The following HLA-B variants were observed in gnomAD, a reference collection of about 807,000 sequenced individuals.
HLA-B encodes the protein HLA class I antigen HLA-B.
A neutral mutation model predicts 41.5 loss-of-function variants in HLA-B; 31 were observed. That is an observed-to-expected ratio of 0.75 (90% CI 0.56 to 1.01). The LOEUF (loss-of-function observed/expected upper bound fraction) is 1.01. Ranked by LOEUF, HLA-B falls within the 50% of genes least tolerant of loss-of-function variation. HLA-B has a pLI of 0.00. For missense variants in HLA-B, 369 were observed against 457.2 expected (o/e 0.81, Z 1.76); for synonymous variants, 138 against 189.0 (o/e 0.73, Z 2.21).
intron 3 of HLA-B, chr6:31,355,861 G>A: frequency 1.6e-6 from 1 of 638,540 alleles, no homozygotes; most frequent in Non-Finnish European, 2.8e-6. Context: ...CAAACACACT[G>A]AGTGTGAGGC....
Position 31,356,730 on chromosome 6 carries a change from T to C in HLA-B, c.301A>G (p.Ser101Gly), listed in dbSNP as rs1131217. The C allele has an allele frequency of 0.014, 15,687 of 1,128,850 alleles. 650 individuals carry two copies. The highest frequency in any genetic ancestry group is 0.022 in the South Asian group (1,288 of 59,568). The allele number at this position is 1,128,850 out of a possible 1,614,324, so 69.9% of individuals were successfully genotyped here. The change falls in exon 2 of 8, where the codon AGC becomes GGC. Residue 101 changes from serine (S) to glycine (G), a missense_variant. By Grantham distance (56) the Ser-to-Gly change is moderately conservative. This residue lies in a region of HLA-B where 113 missense variants were observed against 173.2 expected (regional missense o/e 0.65). Coordinates refer to ENST00000412585, the MANE Select transcript of HLA-B (RefSeq NM_005514.8). ...YKAQAQTDRE[S>G]LRNLRGYYNQ... Reference sequence around the variant, plus strand: ...TAGTAGCCGCGCAGGTTCCGCAGGCTCTCTCGGTCAGTCTGTGCCTGGGCC... The same window carrying C: ...TAGTAGCCGCGCAGGTTCCGCAGGCCCTCTCGGTCAGTCTGTGCCTGGGCC...
At position 31,354,211 on chromosome 6, in the gene HLA-B, A is replaced by G; in HGVS notation, c.*90T>C. On this transcript the variant is annotated 3_prime_UTR_variant, in exon 8 of 8. Transcript: ENST00000412585. ...AGACACATTCAGGTGCCTTTGCAGA[A>G]AGAGATGCCAGAGGCTCTTGAAGTC... 1.6e-6 allele frequency: 1 copy of G among 622,680 alleles called. No individual in the cohort carries two copies. Among genetic ancestry groups the G allele is most frequent in the Middle Eastern group, 2.7e-4 (1 of 3,742 alleles). The allele number at this position is 622,680 out of a possible 1,614,324, so 38.6% of individuals were successfully genotyped here. A position where few individuals can be genotyped will look rare whatever the true frequency, so the allele number is the denominator to read the frequency against.
intron 2 of HLA-B, 21 bp downstream of exon 2, chr6:31,356,666 GC>G: frequency 6.8e-7 from 1 of 1,476,280 alleles, no homozygotes. Context: ...CGTGACCTGC[GC>G]CCCGGGCCGG....
At chr6:31,354,422 T>TCC in intron 7 of HLA-B, 57 bp downstream of exon 7, 1 of 326,722 alleles carries the variant, frequency 3.1e-6, no homozygotes, top group African/African-American at 4.0e-5. Context: ...CTTTCCCCTC[T>TCC]GCCCCACCCA....
Position 31,354,801 on chromosome 6 carries a change from G to A in HLA-B, c.1013-136C>T, listed in dbSNP as rs41551316. On this transcript the variant is annotated intron_variant, in intron 5 of 7. Transcript: ENST00000412585. ...GACCCAGGGCAGGATCAGGAAACACGAGGAAAGCAAGTGTGGGTCCTGGAC... is the reference window on the plus strand; with the variant it reads ...GACCCAGGGCAGGATCAGGAAACACAAGGAAAGCAAGTGTGGGTCCTGGAC... 197 of 463,132 alleles carry A rather than the reference G, an allele frequency of 4.3e-4. 1 individual carries two copies. The Middle Eastern group carries it at 5.7e-3, about 14-fold the overall frequency. The allele number at this position is 463,132 out of a possible 1,614,324, so 28.7% of individuals were successfully genotyped here.
rs778242050 is a variant in HLA-B at position 31,354,441 on chromosome 6, C to T, written c.*4+38G>A. Reference sequence around the variant, plus strand: ...CCCCTCTGCCCCACCCACCCCCAGACCCGCCACCCCACCCACTCTAGACCC... The same window carrying T: ...CCCCTCTGCCCCACCCACCCCCAGATCCGCCACCCCACCCACTCTAGACCC... On this transcript the variant is annotated intron_variant, in intron 7 of 7. Transcript: ENST00000412585. 5.4e-6 allele frequency: 2 copies of T among 368,810 alleles called. 1 individual carries two copies. The highest frequency in any genetic ancestry group is 9.1e-6 in the Non-Finnish European group (2 of 220,642). 22.8% of individuals were successfully genotyped at this position (368,810 alleles called of 1,614,324 possible).
intron 3 of HLA-B, 88 bp from the exon 4 acceptor site, chr6:31,355,680 A>T: frequency 9.4e-7 from 1 of 1,065,992 alleles, no homozygotes; most frequent in Non-Finnish European, 1.3e-6. Flanking sequence ...GAGAATGGAC[A>T]GGACACCTGG....
rs709053 is a variant in HLA-B at position 31,356,300 on chromosome 6, C to G, written c.486G>C (p.Thr162=). The G allele has an allele frequency of 0.18, 194,326 of 1,050,874 alleles. 34,642 individuals are homozygous for G. Among genetic ancestry groups the G allele is most frequent in the East Asian group, 0.33 (9,009 of 27,292 alleles). The allele number at this position is 1,050,874 out of a possible 1,614,324, so 65.1% of individuals were successfully genotyped here. A position where few individuals can be genotyped will look rare whatever the true frequency, so the allele number is the denominator to read the frequency against. ...ACTTGCGCTGGGTGATCTGAGCCGC[C>G]GTGTCCGCGGCGGTCCAGGAGCGCA... The part of the protein sequence containing the change: ...EDLRSWTAAD[T]AAQITQRKWE... Residue 162 remains threonine, a synonymous_variant, in exon 3 of 8, where the codon ACG becomes ACC. Coordinates refer to ENST00000412585, the MANE Select transcript of HLA-B (RefSeq NM_005514.8).
In HLA-B at chr6:31,355,649, G is replaced by C. The variant is rs955820003; in HGVS notation, c.620-57C>G. 11 of 1,176,882 alleles carry C rather than the reference G, an allele frequency of 9.3e-6. 1 individual carries two copies. The African/African-American group carries it at 2.6e-4, about 28-fold the overall frequency. The allele number at this position is 1,176,882 out of a possible 1,614,324, so 72.9% of individuals were successfully genotyped here. ...TTGCATCTTTCATGGGACACCCTAGGACCACCCATGTGACCAGCCTGAGAA... is the reference window on the plus strand; with the variant it reads ...TTGCATCTTTCATGGGACACCCTAGCACCACCCATGTGACCAGCCTGAGAA... On this transcript the variant is annotated intron_variant, in intron 3 of 7. Transcript: ENST00000412585.
Position 31,353,898 on chromosome 6 carries a change from T to C in HLA-B, c.*403A>G, listed in dbSNP as rs1345832296. ...TCTGGAAGGTTCTCAGGTCTTTATT[T>C]GCTCTCTCAAATTCCAGGAATTGAC... On this transcript the variant is annotated 3_prime_UTR_variant, in exon 8 of 8. Transcript: ENST00000412585. The C allele has an allele frequency of 3.3e-6, 1 of 307,482 alleles. No individual in the cohort carries two copies. Among genetic ancestry groups the C allele is most frequent in the Non-Finnish European group, 6.2e-6 (1 of 160,570 alleles). 19.0% of individuals were successfully genotyped at this position (307,482 alleles called of 1,614,324 possible). A position where few individuals can be genotyped will look rare whatever the true frequency, so the allele number is the denominator to read the frequency against.
chr6:31,355,760 G>GGAAA (rs1766896378), intron 3 of HLA-B, 168 bp from the exon 4 acceptor site: 2 of 720,160 alleles, frequency 2.8e-6, no homozygotes, highest in Admixed American at 2.3e-5. Flanking sequence ...CCTATTCATT[G>GGAAA]GAAAGTTCGA....
In HLA-B at chr6:31,354,184, G is replaced by A. The variant is rs71563314; in HGVS notation, c.*117C>T. On this transcript the variant is annotated 3_prime_UTR_variant, in exon 8 of 8. Transcript: ENST00000412585. ...CTCCTCACATTATGCTAACAGGGAC[G>A]CAGACACATTCAGGTGCCTTTGCAG... 0.023 allele frequency: 13,523 copies of A among 576,776 alleles called. 227 individuals carry two copies. Among genetic ancestry groups the A allele is most frequent in the East Asian group, 0.058 (1,668 of 28,532 alleles). 35.7% of individuals were successfully genotyped at this position (576,776 alleles called of 1,614,324 possible). A position where few individuals can be genotyped will look rare whatever the true frequency, so the allele number is the denominator to read the frequency against.
Position 31,353,950 on chromosome 6 carries a change from A to G in HLA-B, c.*351T>C, listed in dbSNP as rs1055214796. The G allele has an allele frequency of 8.5e-6, 3 of 351,122 alleles. No homozygotes were observed. The highest frequency in any genetic ancestry group is 1.6e-5 in the Non-Finnish European group (3 of 186,856). 21.8% of individuals were successfully genotyped at this position (351,122 alleles called of 1,614,324 possible). A position where few individuals can be genotyped will look rare whatever the true frequency, so the allele number is the denominator to read the frequency against. On this transcript the variant is annotated 3_prime_UTR_variant, in exon 8 of 8. Coordinates refer to ENST00000412585, the MANE Select transcript of HLA-B (RefSeq NM_005514.8). ...TATTTAATTAATCCATCAACCTCTC[A>G]TAGCAAATATTTGAGAAAACAAATT...
chr6:31,356,823 CCTCT>C lies in HLA-B; in HGVS notation c.204_207del (p.Glu69SerfsTer7), dbSNP rs766427608. On this transcript the variant is annotated frameshift_variant, in exon 2 of 8. Transcript: ENST00000412585. LOFTEE classifies it high-confidence loss of function. ...TGCTCTATCCACGGCGCCCGCGGCT[CCTCT>C]CTCGGACTCGCGGCGTCGCTGTCGA... 8.5e-7 allele frequency: 1 copy of C among 1,171,184 alleles called. No individual in the cohort carries two copies. The highest frequency in any genetic ancestry group is 1.1e-6 in the Non-Finnish European group (1 of 881,450). The allele number at this position is 1,171,184 out of a possible 1,614,324, so 72.5% of individuals were successfully genotyped here. A position where few individuals can be genotyped will look rare whatever the true frequency, so the allele number is the denominator to read the frequency against.
rs1562163978 is a variant in HLA-B at position 31,355,348 on chromosome 6, CT to C, written c.863del (p.Glu288GlyfsTer9). ...EQRYTCHVQH[E>X]GLPKPLTLRW... ...TCAGGGTGAGGGGCTTCGGCAGCCC[CT>C]CATGCTGTACATGGCATGTGTATCT... On this transcript the variant is annotated frameshift_variant, in exon 4 of 8. Coordinates refer to ENST00000412585, the MANE Select transcript of HLA-B (RefSeq NM_005514.8). LOFTEE classifies it high-confidence loss of function. 1.3e-6 allele frequency: 2 copies of C among 1,585,172 alleles called. No homozygotes were observed. The highest frequency in any genetic ancestry group is 1.7e-6 in the Non-Finnish European group (2 of 1,172,354).
Position 31,356,914 on chromosome 6 carries a change from G to C in HLA-B, c.117C>G (p.Pro39=), listed in dbSNP as rs3177891. 1 of 1,093,322 alleles carries C rather than the reference G, an allele frequency of 9.1e-7. No homozygotes were observed. The highest frequency in any genetic ancestry group is 1.2e-6 in the Non-Finnish European group (1 of 817,548). 67.7% of individuals were successfully genotyped at this position (1,093,322 alleles called of 1,614,324 possible). ...MRYFYTSVSR[P]GRGEPRFISV... ...AGATGAAGCGGGGCTCCCCGCGGCCGGGCCGGGACACGGAGGTGTAGAAAT... is the reference window on the plus strand; with the variant it reads ...AGATGAAGCGGGGCTCCCCGCGGCCCGGCCGGGACACGGAGGTGTAGAAAT... Residue 39 remains proline, a synonymous_variant, in exon 2 of 8, where the codon CCC becomes CCG. Coordinates refer to ENST00000412585, the MANE Select transcript of HLA-B (RefSeq NM_005514.8).
chr6:31,354,433 C>CG (rs776922644), intron 7 of HLA-B, 46 bp downstream of exon 7: 1 of 334,348 alleles, frequency 3.0e-6, no homozygotes, highest in Non-Finnish European at 5.1e-6. Flanking sequence ...GCCCCACCCA[C>CG]CCCCAGACCC....
chr6:31,354,138 AAGGGTGGGC>A lies in HLA-B; in HGVS notation c.*154_*162del. The A allele has an allele frequency of 2.1e-6, 1 of 483,592 alleles. No individual in the cohort carries two copies. Among genetic ancestry groups the A allele is most frequent in the East Asian group, 3.9e-5 (1 of 25,638 alleles). The allele number at this position is 483,592 out of a possible 1,614,324, so 30.0% of individuals were successfully genotyped here. On this transcript the variant is annotated 3_prime_UTR_variant, in exon 8 of 8. Transcript: ENST00000412585. ...TGGGAACAGGGGTCACAGTGGACAC[AAGGGTGGGC>A]TGTCTCTCCACCTCCTCACATTATG...
chr6:31,356,124 C>T (rs112210252), intron 3 of HLA-B, 43 bp downstream of exon 3: 2 of 999,930 alleles, frequency 2.0e-6, no homozygotes, highest in Non-Finnish European at 2.6e-6. Flanking sequence ...CCATCCCCGG[C>T]GACCTATAGG....
Sources: allele counts gnomAD v4.1 joint callset, GRCh38; gene constraint gnomAD v4.1.1; regional missense constraint gnomAD v4.1.1; transcripts MANE v1.5; gene names NCBI Gene and HGNC (gene_info 2026-07-23, HGNC 2026-07-21).